AHNAK2: variants seen among roughly 807,000 people sequenced by gnomAD.
AHNAK2 encodes the protein AHNAK nucleoprotein 2, also known as protein AHNAK2.
Under a neutral mutation model 30.7 loss-of-function variants are expected in AHNAK2, and 18 were observed. The ratio of observed to expected loss-of-function variants is 0.59; its 90% CI spans 0.41 to 0.87. AHNAK2 has a LOEUF of 0.87. Among genes scored for constraint, AHNAK2 ranks in the 40% least tolerant of loss-of-function variants. The pLI, the probability that AHNAK2 is intolerant of heterozygous loss-of-function variation, is 0.00. For missense variants in AHNAK2, 8,604 were observed against 7,373.0 expected, an observed-to-expected ratio of 1.17 and a Z score of -6.11; for synonymous variants, 3,590 against 3,073.8, an observed-to-expected ratio of 1.17 and a Z score of -5.56.
At chr14:104,961,446 C>T (rs1474809176) in intron 1 of AHNAK2, among the ~76,000 whole-genome samples, 3 of 147,296 alleles carry the variant, frequency 2.0e-5, no homozygotes, top group Non-Finnish European at 4.5e-5. Flanking sequence ...CCCCGGGGGG[C>T]GGAGCCTGCA....
At position 104,950,751 on chromosome 14, in the gene AHNAK2, G is replaced by A. The variant is rs1208684396; in HGVS notation, c.4700C>T (p.Ser1567Phe). Residue 1567 changes from serine to phenylalanine, a missense_variant, in exon 7 of 7, where the codon TCC becomes TTC. By Grantham distance (155) the Ser-to-Phe change is radical. Transcript: ENST00000333244. ...GTGCCCTTTGAGGCCGGCTCCCTCGGACACAGGGCCCTCTGGGAGTTTCAC... is the reference window on the plus strand; with the variant it reads ...GTGCCCTTTGAGGCCGGCTCCCTCGAACACAGGGCCCTCTGGGAGTTTCAC... ...VDVKLPEGPVSEGAGLKGHLP... is the reference protein window; with the variant it reads ...VDVKLPEGPVFEGAGLKGHLP... The A allele has an allele frequency of 1.3e-6, 2 of 1,587,682 alleles. No homozygotes were observed.
intron 1 of AHNAK2, among the ~76,000 whole-genome samples, chr14:104,972,444 C>T (rs1266946883): frequency 6.6e-6 from 1 of 152,186 alleles, no homozygotes; most frequent in African/African-American, 2.4e-5. Context: ...TGGAGTGGGA[C>T]AGGAAGGAGA....
At position 104,949,827 on chromosome 14, in the gene AHNAK2, A is replaced by G. The variant is rs374853068; in HGVS notation, c.5624T>C (p.Leu1875Pro). 2.3e-4 allele frequency: 369 copies of G among 1,578,366 alleles called. 37 individuals carry two copies. The highest frequency in any genetic ancestry group is 2.2e-3 in the African/African-American group (155 of 70,206). The change falls in exon 7 of 7, where the codon CTC becomes CCC. Residue 1875 changes from leucine to proline, a missense_variant. By Grantham distance (98) the Leu-to-Pro change is moderately conservative. Transcript: ENST00000333244. ...DLKTTDLCIP[L>P]PSADLVVQAG... Reference sequence around the variant, plus strand: ...CTGGACCACCAGGTCTGCAGAAGGGAGCGGAATGCAGAGGTCCGTGGTCTT... The same window carrying G: ...CTGGACCACCAGGTCTGCAGAAGGGGGCGGAATGCAGAGGTCCGTGGTCTT...
At chr14:104,967,840 GA>G (rs2140880696) in intron 1 of AHNAK2, among the ~76,000 whole-genome samples, 2 of 152,332 alleles carry the variant, frequency 1.3e-5, no homozygotes, top group South Asian at 4.1e-4. Context: ...TCGGGAGAGA[GA>G]GGAAGGCCCC....
chr14:104,968,139 C>T (rs1303294152), intron 1 of AHNAK2, among the ~76,000 whole-genome samples: 2 of 152,366 alleles, frequency 1.3e-5, no homozygotes, highest in South Asian at 2.1e-4. Context: ...CCCCACTCCC[C>T]GGGCCCCCCA....
At chr14:104,965,737 A>G (rs540889229) in intron 1 of AHNAK2, among the ~76,000 whole-genome samples, 129 of 152,310 alleles carry the variant, frequency 8.5e-4, no homozygotes, top group African/African-American at 3.0e-3. Context: ...CCCCTGCGGT[A>G]GGTGTCCTGG....
rs1360643760 is a variant in AHNAK2, at chr14:104,978,302, G to A, written c.-65C>T. 6.9e-5 allele frequency: 18 copies of A among 262,410 alleles called. No homozygotes were observed. The highest frequency in any genetic ancestry group is 9.9e-5 in the East Asian group (1 of 10,150). 16.3% of individuals were successfully genotyped at this position (262,410 alleles called of 1,614,324 possible). A position where few individuals can be genotyped will look rare whatever the true frequency, so the allele number is the denominator to read the frequency against. ...TCCAGTCGCTGGTCCCGGCTCCGGC[G>A]CACGGGGCGGGCGGGCGGGAGCCGC... is the stretch of plus-strand genomic sequence containing the variant. On this transcript the variant is annotated 5_prime_UTR_variant, in exon 1 of 7. Coordinates refer to ENST00000333244, the MANE Select transcript of AHNAK2 (RefSeq NM_138420.4).
Position 104,966,314 on chromosome 14 carries a change from C to T in AHNAK2, c.56-8642G>A, listed in dbSNP as rs993440646. Among the ~76,000 whole-genome samples the T allele has an allele frequency of 3.9e-5, 6 of 152,138 alleles. No homozygotes were observed. The highest frequency in any genetic ancestry group is 8.8e-5 in the Non-Finnish European group (6 of 68,014). ...AGAGCCACAACCTCCGTTTCCCCCA[C>T]CTGCCAAACCAGCCTTGCCCACGGT... On this transcript the variant is annotated intron_variant, in intron 1 of 6. Transcript: ENST00000333244. The surrounding 1 kb of genome is among the most constrained non-coding windows in gnomAD (Gnocchi z 4.3).
rs750396615 is a variant in AHNAK2 at position 104,957,528 on chromosome 14, T to C, written c.115-20A>G. 2 of 1,591,904 alleles carry C rather than the reference T, an allele frequency of 1.3e-6. No individual in the cohort carries two copies. Among genetic ancestry groups the C allele is most frequent in the Non-Finnish European group, 1.7e-6 (2 of 1,168,000 alleles). ...AGTCACCTGACGGGAGAGAATCCAG[T>C]TATTTTTGCCACTCGGTTCTCCCAG... is the stretch of plus-strand genomic sequence containing the variant. On this transcript the variant is annotated intron_variant, in intron 2 of 6. Coordinates refer to ENST00000333244, the MANE Select transcript of AHNAK2 (RefSeq NM_138420.4).
At chr14:104,961,441 G>T (rs1899142156) in intron 1 of AHNAK2, among the ~76,000 whole-genome samples, 1 of 151,884 alleles carries the variant, frequency 6.6e-6, no homozygotes, top group South Asian at 2.1e-4. Context: ...GTGAACCCCG[G>T]GGGGCGGAGC....
chr14:104,943,253 GAGGT>G lies in AHNAK2; in HGVS notation c.12194_12197del (p.Asp4065AlafsTer6), dbSNP rs748023914. ...CCTTAACATCTATCTGGGGGCCCTT[GAGGT>G]CCACTTTGGGCATCTTGAAACTGGG... On this transcript the variant is annotated frameshift_variant, in exon 7 of 7. Coordinates refer to ENST00000333244, the MANE Select transcript of AHNAK2 (RefSeq NM_138420.4). LOFTEE classifies it low-confidence loss of function (END_TRUNC). The G allele has an allele frequency of 1.3e-5, 21 of 1,612,882 alleles. No homozygotes were observed. The African/African-American group carries it at 2.8e-4, about 22-fold the overall frequency.
rs543273066 is a variant in AHNAK2, at chr14:104,960,960, C to G, written c.56-3288G>C. Among the ~76,000 whole-genome samples, 749 of 151,196 alleles carry G rather than the reference C, an allele frequency of 5.0e-3. 6 individuals carry two copies. Among genetic ancestry groups the G allele is most frequent in the African/African-American group, 0.017 (702 of 41,144 alleles). Reference sequence around the variant, plus strand: ...CAGCCTGGCCAACATGGTGAAACCCCTCTCTACTAAAAATACAAACATTAG... The same window carrying G: ...CAGCCTGGCCAACATGGTGAAACCCGTCTCTACTAAAAATACAAACATTAG... On this transcript the variant is annotated intron_variant, in intron 1 of 6. Coordinates refer to ENST00000333244, the MANE Select transcript of AHNAK2 (RefSeq NM_138420.4).
rs781760397 is a variant in AHNAK2, at chr14:104,952,264, C to T, written c.3187G>A (p.Asp1063Asn). The T allele has an allele frequency of 6.2e-7, 1 of 1,612,504 alleles. No individual in the cohort carries two copies. Among genetic ancestry groups the T allele is most frequent in the Non-Finnish European group, 8.5e-7 (1 of 1,179,568 alleles). Residue 1063 changes from aspartate to asparagine, a missense_variant, in exon 7 of 7, where the codon GAT (aspartate) becomes AAT (asparagine). Asp to Asn is a conservative substitution (Grantham distance 23). Coordinates refer to ENST00000333244, the MANE Select transcript of AHNAK2 (RefSeq NM_138420.4). ...TDLKVQADQV[D>N]VKLPEGHLPE... ...AGGTGGCCCTCCGGGAGCTTCACAT[C>T]CACCTGGTCAGCCTGGACCTTCAGG...
In AHNAK2 at chr14:104,940,569, G is replaced by A; in HGVS notation, c.14882C>T (p.Pro4961Leu). ...CTTCTTCGGGGACCACCTAAATGATGGAAGCTTAATCTTAGGCATTTTCAA... is the reference window on the plus strand; with the variant it reads ...CTTCTTCGGGGACCACCTAAATGATAGAAGCTTAATCTTAGGCATTTTCAA... ...SPLKMPKIKL[P>L]SFRWSPKKET... Residue 4961 changes from proline to leucine, a missense_variant, in exon 7 of 7, where the codon CCA becomes CTA. Transcript: ENST00000333244. The surrounding 1 kb of genome is among the most constrained non-coding windows in gnomAD (Gnocchi z 4.4). 1.2e-6 allele frequency: 2 copies of A among 1,613,706 alleles called. No individual in the cohort carries two copies. Among genetic ancestry groups the A allele is most frequent in the Non-Finnish European group, 1.7e-6 (2 of 1,179,854 alleles).
Position 104,945,000 on chromosome 14 carries a change from C to T in AHNAK2, c.10451G>A (p.Gly3484Glu), listed in dbSNP as rs1566903204. Residue 3484 changes from glycine (G) to glutamate (E), a missense_variant, in exon 7 of 7, where the codon GGG (glycine) becomes GAG (glutamate). Gly to Glu is a moderately conservative substitution (Grantham distance 98). Coordinates refer to ENST00000333244, the MANE Select transcript of AHNAK2 (RefSeq NM_138420.4). ...KMPKFKMPSF[G>E]VSAPGRSIEA... ...GATGGACCTGCCTGGGGCCGACACC[C>T]CGAAGGAGGGCATCTTGAACTTGGG... 2 of 1,612,940 alleles carry T rather than the reference C, an allele frequency of 1.2e-6. No homozygotes were observed. The highest frequency in any genetic ancestry group is 1.3e-5 in the African/African-American group (1 of 74,674).
Position 104,940,446 on chromosome 14 carries a change from T to G in AHNAK2, c.15005A>C (p.His5002Pro). ...ATCCCTCTCAGGAGGCAGATCCATG[T>G]GGATGGCAGACTGCGGGGCCACTTC... Reference protein sequence around the residue: ...KDEVAPQSAIHMDLPPERDGE... With the variant: ...KDEVAPQSAIPMDLPPERDGE... Residue 5002 changes from histidine (H) to proline (P), a missense_variant, in exon 7 of 7, where the codon CAC becomes CCC. Coordinates refer to ENST00000333244, the MANE Select transcript of AHNAK2 (RefSeq NM_138420.4). The surrounding 1 kb of genome is among the most constrained non-coding windows in gnomAD (Gnocchi z 4.4). 6.2e-7 allele frequency: 1 copy of G among 1,613,886 alleles called. No homozygotes were observed. Among genetic ancestry groups the G allele is most frequent in the Non-Finnish European group, 8.5e-7 (1 of 1,179,894 alleles).
In AHNAK2 at chr14:104,952,014, T is replaced by A. The variant is rs776657687; in HGVS notation, c.3437A>T (p.Glu1146Val). The stretch of plus-strand genomic sequence containing the variant: ...CTTGTCGGCCAGGGACAGTTCCCCC[T>A]CCAGCCGCGCACTGTCCAGCTTGGC... ...PGAKLDSARL[E>V]GELSLADKDV... Residue 1146 changes from glutamate to valine, a missense_variant, in exon 7 of 7, where the codon GAG becomes GTG. Physicochemically the swap from Glu to Val is moderately radical, Grantham distance 121. Transcript: ENST00000333244. 3.7e-6 allele frequency: 6 copies of A among 1,612,464 alleles called. No individual in the cohort carries two copies. Among genetic ancestry groups the A allele is most frequent in the African/African-American group, 1.3e-5 (1 of 74,148 alleles).
Position 104,950,530 on chromosome 14 carries a change from C to G in AHNAK2, c.4921G>C (p.Glu1641Gln), listed in dbSNP as rs111933839. ...PRAKLDGAQLEGDLSLADKAV... is the reference protein window; with the variant it reads ...PRAKLDGAQLQGDLSLADKAV... The stretch of plus-strand genomic sequence containing the variant: ...TTGTCGGCCAGGGACAGGTCCCCCT[C>G]CAGCTGCGCACCATCCAGCTTTGCT... Residue 1641 changes from glutamate to glutamine, a missense_variant, in exon 7 of 7, where the codon GAG (glutamate) becomes CAG (glutamine). By Grantham distance (29) the Glu-to-Gln change is conservative. Transcript: ENST00000333244. 2,293 of 1,587,302 alleles carry G rather than the reference C, an allele frequency of 1.4e-3. 251 individuals carry two copies. The African/African-American group carries it at 0.027, about 19-fold the overall frequency.
In AHNAK2 at chr14:104,947,873, G is replaced by A. The variant is rs756376843; in HGVS notation, c.7578C>T (p.Leu2526=). 1.2e-6 allele frequency: 2 copies of A among 1,611,446 alleles called. No homozygotes were observed. Among genetic ancestry groups the A allele is most frequent in the African/African-American group, 2.7e-5 (2 of 74,020 alleles). ...DGSLSSMQGD[L]KATDLSIQPP... ...GCTGAATGCTGAGGTCAGTGGCCTT[G>A]AGGTCCCCCTGCATGGAGGAGAGGC... is the stretch of plus-strand genomic sequence containing the variant. The change falls in exon 7 of 7, where the codon CTC becomes CTT. Residue 2526 remains leucine (L), a synonymous_variant. Coordinates refer to ENST00000333244, the MANE Select transcript of AHNAK2 (RefSeq NM_138420.4).
Sources: allele counts gnomAD v4.1 joint callset (sites outside exome capture counted in the v4.1 genomes callset), GRCh38; gene constraint gnomAD v4.1.1; non-coding constraint Gnocchi (gnomAD v3.1); transcripts MANE v1.5; gene names NCBI Gene and HGNC (gene_info 2026-07-23, HGNC 2026-07-21).